The following CDH12 variants were observed in gnomAD, a reference collection of about 807,000 sequenced individuals.
CDH12 encodes the protein cadherin-12.
In CDH12, 41 loss-of-function variants were observed where a neutral mutation model predicts 74.1. That is an observed-to-expected ratio of 0.55 (90% CI 0.43 to 0.72). The LOEUF (loss-of-function observed/expected upper bound fraction) is 0.72, where lower values mean the gene tolerates loss of function less well. Among genes scored for constraint, CDH12 ranks in the 30% least tolerant of loss-of-function variants. The pLI is 0.00. For missense variants in CDH12, 945 were observed against 977.2 expected (o/e 0.97, Z 0.44); for synonymous variants, 399 against 355.0 (o/e 1.12, Z -1.39).
chr5:22,717,294 A>T lies in CDH12; in HGVS notation c.-523+135764T>A, dbSNP rs116144311. Among the ~76,000 whole-genome samples, 1,351 of 152,250 alleles carry T rather than the reference A, an allele frequency of 8.9e-3. 20 individuals are homozygous for T. Among genetic ancestry groups the T allele is most frequent in the African/African-American group, 0.031 (1,286 of 41,538 alleles). ...TTTTACTGTGTCATTTCAATGTTTA[A>T]ATACACAAAAATATTTACCATGTGT... On this transcript the variant is annotated intron_variant, in intron 1 of 14. Coordinates refer to ENST00000382254, the MANE Select transcript of CDH12 (RefSeq NM_004061.5).
chr5:22,633,399 G>A (rs530846123), intron 1 of CDH12, among the ~76,000 whole-genome samples: 2 of 152,062 alleles, frequency 1.3e-5, no homozygotes, highest in African/African-American at 4.8e-5. Context: ...TAATGCAATG[G>A]TTATAAACTT....
intron 1 of CDH12, among the ~76,000 whole-genome samples, chr5:22,699,453 A>C (rs984495101): frequency 1.3e-5 from 2 of 152,188 alleles, no homozygotes; most frequent in African/African-American, 4.8e-5. Context: ...GATACACAAA[A>C]GCTCTAAATT....
chr5:21,805,347 C>T (rs1747371786), intron 9 of CDH12, among the ~76,000 whole-genome samples: 2 of 152,042 alleles, frequency 1.3e-5, no homozygotes, highest in Non-Finnish European at 2.9e-5. Flanking sequence ...TCAAGCCAGA[C>T]ATGAAAGGAG....
At chr5:22,710,858 T>A (rs1005119284) in intron 1 of CDH12, among the ~76,000 whole-genome samples, 1 of 152,030 alleles carries the variant, frequency 6.6e-6, no homozygotes, top group African/African-American at 2.4e-5. Flanking sequence ...CAAAAATAGA[T>A]TCGTGATGAC....
intron 3 of CDH12, among the ~76,000 whole-genome samples, chr5:22,393,778 G>T (rs529722125): frequency 6.6e-6 from 1 of 152,258 alleles, no homozygotes; most frequent in East Asian, 1.9e-4. Flanking sequence ...GTGTAAATAT[G>T]ACTGTTAAAT....
At chr5:22,451,519 C>T (rs1745043056) in intron 2 of CDH12, among the ~76,000 whole-genome samples, 1 of 151,730 alleles carries the variant, frequency 6.6e-6, no homozygotes, top group Admixed American at 6.6e-5. Flanking sequence ...TAAACTTCAA[C>T]ATCAATAAAA....
chr5:22,808,116 G>T (rs1222686276), intron 1 of CDH12, among the ~76,000 whole-genome samples: 1 of 152,286 alleles, frequency 6.6e-6, no homozygotes, highest in East Asian at 1.9e-4. Flanking sequence ...GATTTTCAAA[G>T]AACTGATTTA....
intron 5 of CDH12, among the ~76,000 whole-genome samples, chr5:22,023,059 A>AACTATATTT (rs1738093458): frequency 6.6e-6 from 1 of 152,094 alleles, no homozygotes; most frequent in African/African-American, 2.4e-5. Flanking sequence ...AGTAACTTTC[A>AACTATATTT]ACTATATTTA....
intron 1 of CDH12, among the ~76,000 whole-genome samples, chr5:22,745,271 T>C (rs567279011): frequency 1.6e-4 from 24 of 149,446 alleles, no homozygotes; most frequent in African/African-American, 4.2e-4. Flanking sequence ...AAGCATTCCA[T>C]TGAGATTTTT....
At chr5:22,142,530 C>G (rs1363214620) in intron 4 of CDH12, 4 of 748,620 alleles carry the variant, frequency 5.3e-6, no homozygotes, top group Non-Finnish European at 8.8e-6. Flanking sequence ...AAGAGAGAAA[C>G]TGGGGATGAA....
chr5:22,767,853 T>G (rs1455039438), intron 1 of CDH12, among the ~76,000 whole-genome samples: 1 of 151,984 alleles, frequency 6.6e-6, no homozygotes, highest in Non-Finnish European at 1.5e-5. Flanking sequence ...ACCTGGGGGC[T>G]TTAGAATTTC....
intron 2 of CDH12, among the ~76,000 whole-genome samples, chr5:22,434,540 C>T (rs1744303149): frequency 6.6e-6 from 1 of 152,064 alleles, no homozygotes; most frequent in African/African-American, 2.4e-5. Context: ...GATTTTCATA[C>T]CTCTATTTTT....
intron 6 of CDH12, among the ~76,000 whole-genome samples, chr5:21,971,505 C>G (rs1238915915): frequency 6.6e-6 from 1 of 152,108 alleles, no homozygotes; most frequent in African/African-American, 2.4e-5. Flanking sequence ...TTGACATCTA[C>G]TATATCATAT....
chr5:22,744,042 G>A (rs1461724629), intron 1 of CDH12, among the ~76,000 whole-genome samples: 1 of 152,036 alleles, frequency 6.6e-6, no homozygotes, highest in Non-Finnish European at 1.5e-5. Context: ...ACAACAAGTT[G>A]CCATTCCAGA....
intron 6 of CDH12, chr5:21,883,470 G>A (rs1413567439): frequency 6.0e-5 from 97 of 1,612,094 alleles, no homozygotes; most frequent in Non-Finnish European, 7.8e-5. Context: ...GCTAAAGGTT[G>A]GTCTTCAGGT....
At chr5:22,440,467 G>A (rs994629423) in intron 2 of CDH12, among the ~76,000 whole-genome samples, 2 of 151,984 alleles carry the variant, frequency 1.3e-5, no homozygotes, top group Admixed American at 1.3e-4. Context: ...AGTTGCTTAC[G>A]GTTGCCATGA....
chr5:22,063,864 CT>C (rs1407621189), intron 5 of CDH12, among the ~76,000 whole-genome samples: 3 of 152,090 alleles, frequency 2.0e-5, no homozygotes, highest in Non-Finnish European at 4.4e-5. Flanking sequence ...GGGTTTGGAA[CT>C]CTCTCTGAGT....
At chr5:22,140,931 C>T (rs1561153840) in intron 4 of CDH12, among the ~76,000 whole-genome samples, 1 of 152,174 alleles carries the variant, frequency 6.6e-6, no homozygotes, top group Non-Finnish European at 1.5e-5. Flanking sequence ...CCAACTCCTG[C>T]TCACTGTTAT....
In CDH12 at chr5:22,384,262, C is replaced by T. The variant is rs565628019; in HGVS notation, c.-333+20995G>A. Among the ~76,000 whole-genome samples, 47 of 151,940 alleles carry T rather than the reference C, an allele frequency of 3.1e-4. 1 individual carries two copies. In the South Asian group the frequency reaches 4.1e-3, roughly 13 times the overall value. The stretch of plus-strand genomic sequence containing the variant: ...AATGTTGGCCGGGCGCGGTGGCTCA[C>T]GCTTGTAATCCCAGCACTTTGGGAG... On this transcript the variant is annotated intron_variant, in intron 3 of 14. Coordinates refer to ENST00000382254, the MANE Select transcript of CDH12 (RefSeq NM_004061.5).
Sources: gnomAD v4.1 joint callset for allele counts (sites outside exome capture counted in the v4.1 genomes callset) on GRCh38, gnomAD v4.1.1 for gene constraint, MANE v1.5 for transcripts, NCBI Gene and HGNC (gene_info 2026-07-23, HGNC 2026-07-21) for gene names.